NKAIN3: variants seen among roughly 807,000 people sequenced by gnomAD.
The protein encoded by NKAIN3 is sodium/potassium-transporting ATPase subunit beta-1-interacting protein 3.
A neutral mutation model predicts 30.2 loss-of-function variants in NKAIN3; 25 were observed. The observed-to-expected ratio is 0.83, with a 90% CI of 0.60 to 1.16. The LOEUF (loss-of-function observed/expected upper bound fraction) is 1.16. NKAIN3 is among the 50% of genes most tolerant of loss of function. The pLI, the probability that NKAIN3 is intolerant of heterozygous loss-of-function variation, is 0.00. For synonymous variants in NKAIN3, 91 were observed against 89.6 expected, an observed-to-expected ratio of 1.02 and a Z score of -0.09; for missense variants, 225 against 254.1, an observed-to-expected ratio of 0.89 and a Z score of 0.78.
At chr8:62,569,890 G>A (rs935328727) in intron 1 of NKAIN3, among the ~76,000 whole-genome samples, 6 of 152,170 alleles carry the variant, frequency 3.9e-5, no homozygotes, top group Non-Finnish European at 5.9e-5. Flanking sequence ...TAAGGAAAGA[G>A]TTGATTCTTC....
At chr8:62,383,762 A>T (rs62509216) in intron 1 of NKAIN3, among the ~76,000 whole-genome samples, 14 of 152,234 alleles carry the variant, frequency 9.2e-5, no homozygotes, top group African/African-American at 3.1e-4. Context: ...TGACTTTCTT[A>T]TAGCAATCCT....
chr8:62,763,443 G>T (rs1027909108), intron 4 of NKAIN3, among the ~76,000 whole-genome samples: 1 of 151,998 alleles, frequency 6.6e-6, no homozygotes, highest in Admixed American at 6.6e-5. Flanking sequence ...GAAAGCTACA[G>T]GGAAGTGGTA....
chr8:62,852,184 G>T (rs1819929545), intron 4 of NKAIN3, among the ~76,000 whole-genome samples: 1 of 152,140 alleles, frequency 6.6e-6, no homozygotes, highest in Non-Finnish European at 1.5e-5. Context: ...TTAGTCTTGG[G>T]AGGGTGTATG....
At chr8:62,688,158 A>C (rs752635189) in intron 3 of NKAIN3, among the ~76,000 whole-genome samples, 9 of 152,160 alleles carry the variant, frequency 5.9e-5, no homozygotes, top group Non-Finnish European at 8.8e-5. Flanking sequence ...AAGAGAGTGC[A>C]TTCCTTCAAG....
chr8:62,709,205 A>T (rs1483312824), intron 3 of NKAIN3, among the ~76,000 whole-genome samples: 1 of 151,924 alleles, frequency 6.6e-6, no homozygotes, highest in Admixed American at 6.6e-5. Flanking sequence ...GTCCTTTCCT[A>T]GATTCAGTAT....
rs569594192 is a variant in NKAIN3 at position 62,305,748 on chromosome 8, G to T, written c.54+56621G>T. Among the ~76,000 whole-genome samples, 11 of 150,524 alleles carry T rather than the reference G, an allele frequency of 7.3e-5. No individual in the cohort carries two copies. The South Asian group carries it at 1.5e-3, about 20-fold the overall frequency. On this transcript the variant is annotated intron_variant, in intron 1 of 6. Transcript: ENST00000623646. ...TGGAAAAGAATGGAAGGTTGGTCTCGCTGGCCTTCTCCTTCTGGGTCCTAA... is the reference window on the plus strand; with the variant it reads ...TGGAAAAGAATGGAAGGTTGGTCTCTCTGGCCTTCTCCTTCTGGGTCCTAA...
rs370877703 is a variant in NKAIN3 at position 62,699,810 on chromosome 8, A to G, written c.274-47122A>G. 3.3e-5 allele frequency among the ~76,000 whole-genome samples: 5 copies of G among 152,338 alleles called. No individual in the cohort carries two copies. The East Asian group carries it at 7.7e-4, about 24-fold the overall frequency. Reference sequence around the variant, plus strand: ...CTTATCTACTATGCAGAATGAAAAAATAAGTAACCAATGAATTATTACTTA... The same window carrying G: ...CTTATCTACTATGCAGAATGAAAAAGTAAGTAACCAATGAATTATTACTTA... On this transcript the variant is annotated intron_variant, in intron 3 of 6. Transcript: ENST00000623646.
chr8:62,665,848 A>G (rs1362655446), intron 3 of NKAIN3, among the ~76,000 whole-genome samples: 2 of 152,142 alleles, frequency 1.3e-5, no homozygotes, highest in Non-Finnish European at 2.9e-5. Context: ...AAGGATATGG[A>G]GCTGGAAGCT....
chr8:62,864,710 G>A (rs923977991), intron 4 of NKAIN3, among the ~76,000 whole-genome samples: 1 of 152,278 alleles, frequency 6.6e-6, no homozygotes. Context: ...TCAGCCTCCA[G>A]TACTGGGGAT....
At chr8:62,870,146 A>T (rs1820554194) in intron 4 of NKAIN3, among the ~76,000 whole-genome samples, 1 of 145,294 alleles carries the variant, frequency 6.9e-6, no homozygotes, top group Non-Finnish European at 1.5e-5. Flanking sequence ...CTTGCAGACG[A>T]CCTATTGTGT....
At chr8:62,837,696 A>G (rs1235382986) in intron 4 of NKAIN3, among the ~76,000 whole-genome samples, 2 of 152,180 alleles carry the variant, frequency 1.3e-5, no homozygotes, top group Non-Finnish European at 2.9e-5. Context: ...GCAATGTCAA[A>G]TAATTTTCAC....
chr8:62,269,477 A>G (rs1812707829), intron 1 of NKAIN3, among the ~76,000 whole-genome samples: 1 of 151,790 alleles, frequency 6.6e-6, no homozygotes, highest in South Asian at 2.1e-4. Context: ...TTTTTACTCC[A>G]CTGCTGAGCT....
chr8:62,624,573 G>A (rs796773298), intron 3 of NKAIN3, among the ~76,000 whole-genome samples: 2 of 151,228 alleles, frequency 1.3e-5, no homozygotes, highest in African/African-American at 4.9e-5. Flanking sequence ...ACCAGTTGTA[G>A]GTTTTGTTTG....
At chr8:62,836,714 A>G (rs1291586126) in intron 4 of NKAIN3, among the ~76,000 whole-genome samples, 1 of 152,088 alleles carries the variant, frequency 6.6e-6, no homozygotes, top group Non-Finnish European at 1.5e-5. Context: ...TTCTCACTGC[A>G]TCATCCTGTT....
intron 1 of NKAIN3, among the ~76,000 whole-genome samples, chr8:62,456,784 A>G (rs1223649047): frequency 6.6e-6 from 1 of 152,222 alleles, no homozygotes; most frequent in Non-Finnish European, 1.5e-5. Flanking sequence ...GAGTTATTGC[A>G]ATCTTAACCA....
intron 1 of NKAIN3, among the ~76,000 whole-genome samples, chr8:62,407,562 C>G (rs1804113841): frequency 6.6e-6 from 1 of 152,000 alleles, no homozygotes; most frequent in South Asian, 2.1e-4. Context: ...CCACACCCAG[C>G]TAACTTTTGT....
At chr8:62,893,983 C>T (rs922622285) in intron 4 of NKAIN3, among the ~76,000 whole-genome samples, 1 of 152,114 alleles carries the variant, frequency 6.6e-6, no homozygotes, top group Non-Finnish European at 1.5e-5. Context: ...GGATACCGGA[C>T]ATAAAATAAT....
intron 4 of NKAIN3, among the ~76,000 whole-genome samples, chr8:62,748,998 T>A (rs1443565383): frequency 1.3e-5 from 2 of 152,174 alleles, no homozygotes; most frequent in Non-Finnish European, 2.9e-5. Flanking sequence ...CAAATTTTCT[T>A]TTAAAAATGT....
chr8:62,402,080 G>T (rs924900307), intron 1 of NKAIN3, among the ~76,000 whole-genome samples: 3 of 152,170 alleles, frequency 2.0e-5, no homozygotes, highest in Non-Finnish European at 4.4e-5. Flanking sequence ...CAAACCTTAG[G>T]TATCAACCTG....
Sources: gnomAD v4.1 joint callset for allele counts (sites outside exome capture counted in the v4.1 genomes callset) on GRCh38, gnomAD v4.1.1 for gene constraint, MANE v1.5 for transcripts, NCBI Gene and HGNC (gene_info 2026-07-23, HGNC 2026-07-21) for gene names.